The following ANKS3 variants were observed in gnomAD, a reference collection of about 807,000 sequenced individuals.
The protein encoded by ANKS3 is ankyrin repeat and SAM domain-containing protein 3.
Under a neutral mutation model 80.7 loss-of-function variants are expected in ANKS3, and 62 were observed. That is an observed-to-expected ratio of 0.77 (90% confidence interval 0.63 to 0.95). The LOEUF is 0.95. Ranked by LOEUF, ANKS3 falls within the 40% of genes least tolerant of loss-of-function variation. The pLI is 0.00. For missense variants in ANKS3, 1,150 were observed against 883.6 expected (o/e 1.30, Z -3.82); for synonymous variants, 489 against 355.3 (o/e 1.38, Z -4.23).
chr16:4,698,596 A>C lies in ANKS3; in HGVS notation c.1555T>G (p.Cys519Gly). The part of the protein sequence containing the change: ...QELAIQLHKR[C>G]EEVEATRGQV... ...CCCCGCGTGGCCTCTACCTCCTCGC[A>C]GCGCTGCAGGGGGGTGGGGGGCGCG... Residue 519 changes from cysteine (C) to glycine (G), a missense_variant, in exon 14 of 18, where the codon TGC (cysteine) becomes GGC (glycine). Transcript: ENST00000304283. The C allele has an allele frequency of 6.4e-7, 1 of 1,559,834 alleles. No individual in the cohort carries two copies. The highest frequency in any genetic ancestry group is 1.2e-5 in the South Asian group (1 of 85,174).
Position 4,727,067 on chromosome 16 carries a change from C to A in ANKS3, c.281G>T (p.Ser94Ile). ...CCCTTCTGGGGTCGGCACATTCACA[C>A]TCACCCCCGCCTCAAGCAGCAGGTG... is the stretch of plus-strand genomic sequence containing the variant. Reference protein sequence around the residue: ...IVHLLLEAGVSVNVPTPEGQT... With the variant: ...IVHLLLEAGVIVNVPTPEGQT... The change falls in exon 4 of 18, where the codon AGT (serine) becomes ATT (isoleucine). Residue 94 changes from serine (S) to isoleucine (I), a missense_variant. Transcript: ENST00000304283. 6.2e-7 allele frequency: 1 copy of A among 1,614,158 alleles called. No individual in the cohort carries two copies. Among genetic ancestry groups the A allele is most frequent in the Non-Finnish European group, 8.5e-7 (1 of 1,180,032 alleles).
At position 4,732,357 on chromosome 16, in the gene ANKS3, G is replaced by C. The variant is rs148820937; in HGVS notation, c.-70-778C>G. Among the ~76,000 whole-genome samples the C allele has an allele frequency of 2.4e-3, 361 of 152,234 alleles. 2 individuals carry two copies. The highest frequency in any genetic ancestry group is 8.3e-3 in the African/African-American group (344 of 41,538). On this transcript the variant is annotated intron_variant, in intron 1 of 17. Coordinates refer to ENST00000304283, the MANE Select transcript of ANKS3 (RefSeq NM_133450.4). ...CTGGGCATGTCTCTTCCACGCCAAA[G>C]GCCTCCTGCAGGGTGAGGCCGTGTT...
chr16:4,698,771 G>C (rs2079731653), intron 13 of ANKS3, 29 bp downstream of exon 13: 1 of 1,572,658 alleles, frequency 6.4e-7, no homozygotes, highest in South Asian at 1.2e-5. Flanking sequence ...GTGTCACCCT[G>C]CCCCCCCATC....
chr16:4,698,609 G>C lies in ANKS3; in HGVS notation c.1552-10C>G. The C allele has an allele frequency of 1.3e-6, 2 of 1,547,208 alleles. No individual in the cohort carries two copies. The highest frequency in any genetic ancestry group is 1.7e-6 in the Non-Finnish European group (2 of 1,153,390). On this transcript the variant is annotated splice_polypyrimidine_tract_variant and intron_variant, in intron 13 of 17. Transcript: ENST00000304283. The stretch of plus-strand genomic sequence containing the variant: ...CTACCTCCTCGCAGCGCTGCAGGGG[G>C]GTGGGGGGCGCGGGGAGGCTGGGAG...
At chr16:4,701,240 C>G (rs1182838234) in intron 10 of ANKS3, 106 bp from the exon 11 acceptor site, 2 of 1,524,568 alleles carry the variant, frequency 1.3e-6, no homozygotes, top group East Asian at 2.3e-5. Flanking sequence ...TGAAACCCCC[C>G]ACCCGCCACA....
intron 6 of ANKS3, 145 bp from the exon 7 acceptor site, chr16:4,714,331 G>A (rs1240435246): frequency 1.6e-6 from 2 of 1,251,508 alleles, no homozygotes; most frequent in East Asian, 4.7e-5. Flanking sequence ...ATGAGAAAGA[G>A]GCAGGCTTGT....
chr16:4,724,943 T>A, intron 5 of ANKS3, 112 bp from the exon 6 acceptor site: 2 of 796,618 alleles, frequency 2.5e-6, no homozygotes, highest in Non-Finnish European at 4.1e-6. Flanking sequence ...TCCCTAAGCG[T>A]AGAACACTGT....
At chr16:4,708,102 G>A (rs935987080) in intron 7 of ANKS3, among the ~76,000 whole-genome samples, 1 of 144,978 alleles carries the variant, frequency 6.9e-6, no homozygotes, top group Non-Finnish European at 1.5e-5. Flanking sequence ...GTGACAGAGT[G>A]AGACTACATC....
intron 3 of ANKS3, 124 bp downstream of exon 3, chr16:4,729,856 A>T (rs2081532381): frequency 1.0e-6 from 1 of 968,510 alleles, no homozygotes; most frequent in Non-Finnish European, 1.4e-6. Flanking sequence ...TGCCTGAGAT[A>T]AGCAGGTTAA....
intron 3 of ANKS3, chr16:4,727,502 G>C: frequency 2.5e-6 from 1 of 397,780 alleles, no homozygotes; most frequent in South Asian, 2.3e-5. Context: ...GGCATTTTTG[G>C]TTCTCACAAC....
chr16:4,709,507 C>T (rs886538323), intron 7 of ANKS3, among the ~76,000 whole-genome samples: 1 of 152,258 alleles, frequency 6.6e-6, no homozygotes, highest in East Asian at 1.9e-4. Context: ...AAAGAGATGT[C>T]TACACCCTCA....
chr16:4,733,671 A>G (rs1647086790), intron 1 of ANKS3, among the ~76,000 whole-genome samples: 1 of 151,710 alleles, frequency 6.6e-6, no homozygotes, highest in Admixed American at 6.6e-5. Flanking sequence ...AGGGATGGAG[A>G]CCCCCATTTT....
rs1334523160 is a variant in ANKS3, at chr16:4,701,040, G to A, written c.1214C>T (p.Ala405Val). ...AGCGAGAAAGCCTTCCCTGTCAGTT[G>A]CAGCGCGGGGAGGCCACTGGCTGTC... ...NPDSQWPPRA[A>V]TDREGFLAES... Residue 405 changes from alanine to valine, a missense_variant, in exon 11 of 18, where the codon GCA becomes GTA. Ala to Val is a moderately conservative substitution (Grantham distance 64). Transcript: ENST00000304283. The A allele has an allele frequency of 6.2e-7, 1 of 1,613,998 alleles. No homozygotes were observed. The highest frequency in any genetic ancestry group is 8.5e-7 in the Non-Finnish European group (1 of 1,180,036).
At chr16:4,699,468 G>C in intron 11 of ANKS3, 1 of 433,426 alleles carries the variant, frequency 2.3e-6, no homozygotes, top group Non-Finnish European at 4.3e-6. Context: ...TGGAGCTGCT[G>C]ATCTCGACAA....
chr16:4,700,845 TG>T, intron 11 of ANKS3, 124 bp downstream of exon 11: 1 of 1,292,780 alleles, frequency 7.7e-7, no homozygotes, highest in Non-Finnish European at 1.1e-6. Context: ...TAACAGGCCA[TG>T]GGGATGCCAC....
chr16:4,698,094 G>GC, intron 14 of ANKS3, 32 bp from the exon 15 acceptor site: 1 of 1,569,598 alleles, frequency 6.4e-7, no homozygotes, highest in Non-Finnish European at 8.7e-7. Flanking sequence ...ATTGGTGAGA[G>GC]CAGAGGCCTG....
intron 6 of ANKS3, among the ~76,000 whole-genome samples, chr16:4,722,523 CT>C (rs1354788549): frequency 1.4e-5 from 2 of 146,852 alleles, no homozygotes; most frequent in Non-Finnish European, 1.5e-5. Context: ...TTGCAGTGAG[CT>C]GAGATCATGC....
intron 2 of ANKS3, 130 bp downstream of exon 2, chr16:4,731,382 G>A (rs1233228992): frequency 6.6e-6 from 1 of 152,318 alleles, no homozygotes; most frequent in African/African-American, 2.4e-5. Flanking sequence ...TGGGTTTAAG[G>A]GCTTCTTGAG....
At position 4,712,427 on chromosome 16, in the gene ANKS3, T is replaced by C. The variant is rs192379046; in HGVS notation, c.709+1624A>G. On this transcript the variant is annotated intron_variant, in intron 7 of 17. Transcript: ENST00000304283. ...GAAAACTATAGACCAGTATCACTTA[T>C]GACTGAATATCCATAGAAAAATACT... 9.2e-4 allele frequency among the ~76,000 whole-genome samples: 140 copies of C among 152,192 alleles called. 4 individuals carry two copies. Among genetic ancestry groups the C allele is most frequent in the African/African-American group, 3.3e-3 (135 of 41,514 alleles).
Sources: gnomAD v4.1 joint callset for allele counts (sites outside exome capture counted in the v4.1 genomes callset) on GRCh38, gnomAD v4.1.1 for gene constraint, MANE v1.5 for transcripts, NCBI Gene and HGNC (gene_info 2026-07-23, HGNC 2026-07-21) for gene names.